SMG6: variants seen among roughly 807,000 people sequenced by gnomAD.
SMG6 encodes telomerase-binding protein EST1A.
In SMG6, 66 loss-of-function variants were observed where a neutral mutation model predicts 142.2. That is an observed-to-expected ratio of 0.46 (90% CI 0.38 to 0.57). SMG6 has a LOEUF of 0.57. Ranked by LOEUF, SMG6 falls within the 20% of genes least tolerant of loss-of-function variation. The probability of loss-of-function intolerance (pLI) is 0.00; values close to 1 mark genes in which losing one functional copy is unlikely to be tolerated. For synonymous variants in SMG6, 779 were observed against 702.4 expected, an observed-to-expected ratio of 1.11 and a Z score of -1.72; for missense variants, 1,793 against 1,832.0, an observed-to-expected ratio of 0.98 and a Z score of 0.39.
At chr17:2,195,708 T>C (rs2072303332) in intron 10 of SMG6, among the ~76,000 whole-genome samples, 1 of 152,208 alleles carries the variant, frequency 6.6e-6, no homozygotes, top group South Asian at 2.1e-4. Context: ...ATATATATTA[T>C]CTCAAAGCTT....
At chr17:2,187,421 C>G (rs1220549406) in intron 11 of SMG6, among the ~76,000 whole-genome samples, 1 of 152,092 alleles carries the variant, frequency 6.6e-6, no homozygotes, top group Non-Finnish European at 1.5e-5. Flanking sequence ...TAAGTAAGGT[C>G]TGTGAATGCA....
At chr17:2,226,057 C>A (rs2073306596) in intron 10 of SMG6, among the ~76,000 whole-genome samples, 1 of 152,120 alleles carries the variant, frequency 6.6e-6, no homozygotes, top group Non-Finnish European at 1.5e-5. Flanking sequence ...AGGCGGATCG[C>A]CTGAGGTCGG....
chr17:2,087,194 A>G, intron 13 of SMG6: 1 of 1,290,454 alleles, frequency 7.7e-7, no homozygotes, highest in Non-Finnish European at 1.0e-6. Flanking sequence ...CAAGAATTGT[A>G]AGGACAAGCT....
At chr17:2,186,157 G>A (rs2071975874) in intron 12 of SMG6, among the ~76,000 whole-genome samples, 1 of 151,852 alleles carries the variant, frequency 6.6e-6, no homozygotes, top group Non-Finnish European at 1.5e-5. Flanking sequence ...GAGCTGGGAG[G>A]TGGAGGTTGC....
chr17:2,245,228 A>C (rs968695911), intron 8 of SMG6, among the ~76,000 whole-genome samples: 1 of 152,182 alleles, frequency 6.6e-6, no homozygotes, highest in African/African-American at 2.4e-5. Context: ...AGCTTTAAAA[A>C]CTAGAGTTCA....
intron 8 of SMG6, among the ~76,000 whole-genome samples, chr17:2,272,434 A>G (rs2074559863): frequency 6.6e-6 from 1 of 152,044 alleles, no homozygotes; most frequent in East Asian, 1.9e-4. Context: ...CCACAATACA[A>G]TCAACCTTCA....
intron 9 of SMG6, 62 bp from the exon 10 acceptor site, chr17:2,236,699 TCTCACACACACACACACACACA>T: frequency 6.8e-7 from 1 of 1,460,838 alleles, no homozygotes; most frequent in Non-Finnish European, 9.1e-7. Flanking sequence ...TCTCACTCTG[TCTCACACACACACACACACACA>T]CACACACACA....
At chr17:2,263,583 G>A (rs1023445447) in intron 8 of SMG6, among the ~76,000 whole-genome samples, 8 of 152,142 alleles carry the variant, frequency 5.3e-5, no homozygotes, top group Admixed American at 5.2e-4. Context: ...ACATTTTATA[G>A]GAACCAAAAC....
At chr17:2,228,520 C>A (rs2073381094) in intron 10 of SMG6, among the ~76,000 whole-genome samples, 1 of 152,160 alleles carries the variant, frequency 6.6e-6, no homozygotes, top group African/African-American at 2.4e-5. Context: ...AGCCATCGCG[C>A]CCGGCCTAAT....
At chr17:2,119,294 T>C (rs1054683150) in intron 13 of SMG6, among the ~76,000 whole-genome samples, 1 of 152,062 alleles carries the variant, frequency 6.6e-6, no homozygotes, top group Non-Finnish European at 1.5e-5. Flanking sequence ...CCTGACCTTG[T>C]GATCTGCCCG....
intron 10 of SMG6, among the ~76,000 whole-genome samples, chr17:2,201,842 G>GCTA (rs1453549725): frequency 2.0e-5 from 3 of 151,912 alleles, no homozygotes; most frequent in Non-Finnish European, 4.4e-5. Flanking sequence ...TGGCAAACAT[G>GCTA]GTGAAACCCC....
chr17:2,286,962 C>T (rs1175717654), intron 6 of SMG6, among the ~76,000 whole-genome samples: 5 of 129,944 alleles, frequency 3.8e-5, no homozygotes, highest in East Asian at 4.4e-4. Context: ...GACAGAGTCT[C>T]GCTCTGTCGC....
At chr17:2,188,211 C>A (rs1379528609) in intron 11 of SMG6, among the ~76,000 whole-genome samples, 188 bp downstream of exon 11, 1 of 152,012 alleles carries the variant, frequency 6.6e-6, no homozygotes, top group Admixed American at 6.5e-5. Context: ...AGAAGAGGGC[C>A]TTAGAGGCAA....
intron 13 of SMG6, among the ~76,000 whole-genome samples, chr17:2,106,717 G>A (rs1220421172): frequency 6.6e-6 from 1 of 152,208 alleles, no homozygotes; most frequent in Non-Finnish European, 1.5e-5. Context: ...GGGAATGCAG[G>A]AGGAAAATGT....
At chr17:2,090,842 T>C (rs1597370025) in intron 13 of SMG6, among the ~76,000 whole-genome samples, 1 of 152,230 alleles carries the variant, frequency 6.6e-6, no homozygotes, top group African/African-American at 2.4e-5. Context: ...ACTTTATAGC[T>C]TGTTAATTTT....
intron 10 of SMG6, among the ~76,000 whole-genome samples, chr17:2,235,395 T>C (rs2073621078): frequency 6.6e-6 from 1 of 152,152 alleles, no homozygotes; most frequent in Non-Finnish European, 1.5e-5. Flanking sequence ...CGCATTTCCA[T>C]TTCAAGGCAA....
chr17:2,161,331 C>T (rs868755692), intron 13 of SMG6, among the ~76,000 whole-genome samples: 1 of 151,758 alleles, frequency 6.6e-6, no homozygotes, highest in Non-Finnish European at 1.5e-5. Context: ...CTCAAACTCC[C>T]GACCTCAGGT....
chr17:2,238,775 G>C (rs577582559), intron 9 of SMG6, among the ~76,000 whole-genome samples: 5 of 152,334 alleles, frequency 3.3e-5, no homozygotes, highest in African/African-American at 1.2e-4. Flanking sequence ...CTGAAGTCTT[G>C]AACGAGCACC....
intron 10 of SMG6, among the ~76,000 whole-genome samples, chr17:2,197,435 A>G (rs1253549093): frequency 6.6e-6 from 1 of 151,954 alleles, no homozygotes. Context: ...ATGTGGTAAC[A>G]TTTGCCTGTA....
Sources: gnomAD v4.1 joint callset for allele counts (sites outside exome capture counted in the v4.1 genomes callset) on GRCh38, gnomAD v4.1.1 for gene constraint, MANE v1.5 for transcripts, NCBI Gene and HGNC (gene_info 2026-07-23, HGNC 2026-07-21) for gene names.